The following NIPBL variants were observed in gnomAD, a reference collection of about 807,000 sequenced individuals.
NIPBL encodes nipped-B-like protein.
A neutral mutation model predicts 321.8 loss-of-function variants in NIPBL; 19 were observed. The observed-to-expected ratio is 0.06, with a 90% CI of 0.04 to 0.09. The LOEUF (loss-of-function observed/expected upper bound fraction) is 0.09, where lower values mean the gene tolerates loss of function less well. NIPBL is among the 10% of genes least tolerant of loss of function. NIPBL has a pLI of 1.00. For synonymous variants in NIPBL, 1,106 were observed against 1,114.1 expected, an observed-to-expected ratio of 0.99 and a Z score of 0.14; for missense variants, 2,210 against 3,327.0, an observed-to-expected ratio of 0.66 and a Z score of 8.26.
chr5:37,007,350 G>A lies in NIPBL; in HGVS notation c.4115G>A (p.Arg1372Gln). The A allele has an allele frequency of 1.2e-6, 2 of 1,611,982 alleles. No individual in the cohort carries two copies. Among genetic ancestry groups the A allele is most frequent in the Non-Finnish European group, 8.5e-7 (1 of 1,178,648 alleles). ...GGGLLSSKAK[R>Q]AKCSTHKQRV... ...GGCTTATTAAGTTCAAAAGCAAAACGGGCTAAATGTTCTACCCATAAGCAG... is the reference window on the plus strand; with the variant it reads ...GGCTTATTAAGTTCAAAAGCAAAACAGGCTAAATGTTCTACCCATAAGCAG... Residue 1372 changes from arginine to glutamine, a missense_variant, in exon 18 of 47, where the codon CGG (arginine) becomes CAG (glutamine). By Grantham distance (43) the Arg-to-Gln change is conservative. This residue lies in a region of NIPBL where 381 missense variants were observed against 642.3 expected (regional missense o/e 0.59). Transcript: ENST00000282516.
At chr5:36,950,912 C>T (rs966740651) in intron 1 of NIPBL, among the ~76,000 whole-genome samples, 1 of 151,820 alleles carries the variant, frequency 6.6e-6, no homozygotes, top group Non-Finnish European at 1.5e-5. Flanking sequence ...AGATTACTTA[C>T]ATTTATTAAA....
intron 9 of NIPBL, among the ~76,000 whole-genome samples, chr5:36,979,540 A>G (rs926471880): frequency 2.0e-5 from 3 of 151,738 alleles, no homozygotes; most frequent in Non-Finnish European, 3.0e-5. Flanking sequence ...AACAGAGATA[A>G]TTTGACTTCC....
chr5:36,880,157 A>G (rs945682206), intron 1 of NIPBL, among the ~76,000 whole-genome samples: 1 of 151,950 alleles, frequency 6.6e-6, no homozygotes. Context: ...CCAATACAAA[A>G]TTTTCTTTAC....
intron 1 of NIPBL, among the ~76,000 whole-genome samples, chr5:36,939,968 C>T (rs1439901976): frequency 3.3e-5 from 5 of 152,204 alleles, no homozygotes; most frequent in East Asian, 1.9e-4. Context: ...AACCATAGCA[C>T]GAATAAAGCA....
chr5:36,881,313 T>G (rs895787635), intron 1 of NIPBL, among the ~76,000 whole-genome samples: 1 of 151,868 alleles, frequency 6.6e-6, no homozygotes, highest in African/African-American at 2.4e-5. Context: ...TTTTTTGGTG[T>G]AAATCTGGAG....
intron 34 of NIPBL, among the ~76,000 whole-genome samples, chr5:37,042,807 C>T (rs965115359): frequency 2.8e-5 from 4 of 143,750 alleles, no homozygotes; most frequent in African/African-American, 1.0e-4. Flanking sequence ...GCCTGGATGA[C>T]AGAGCGAGAC....
In NIPBL at chr5:36,955,610, G is replaced by A. The variant is rs1386162274; in HGVS notation, c.203G>A (p.Ser68Asn). ...DDNLVSQLVH[S>N]LNQVSTDHIE... ...AATTTGGTTTCACAGCTTGTCCATA[G>A]CCTCAACCAGGTATCAACAGATCAC... The change falls in exon 3 of 47, where the codon AGC becomes AAC. Residue 68 changes from serine (S) to asparagine (N), a missense_variant. Physicochemically the swap from Ser to Asn is conservative, Grantham distance 46. Around this residue, in one of 14 missense-constraint regions of NIPBL, gnomAD observed 464 missense variants for 529.5 expected, o/e 0.88. Coordinates refer to ENST00000282516, the MANE Select transcript of NIPBL (RefSeq NM_133433.4). 1.2e-6 allele frequency: 2 copies of A among 1,613,926 alleles called. No homozygotes were observed. Among genetic ancestry groups the A allele is most frequent in the African/African-American group, 2.7e-5 (2 of 75,006 alleles).
At chr5:37,050,063 C>A (rs2149739004) in intron 40 of NIPBL, among the ~76,000 whole-genome samples, 1 of 152,286 alleles carries the variant, frequency 6.6e-6, no homozygotes, top group Non-Finnish European at 1.5e-5. Context: ...AAGAATCATA[C>A]ATTATAATGA....
Position 36,984,882 on chromosome 5 carries a change from G to A in NIPBL, c.1702G>A (p.Glu568Lys), listed in dbSNP as rs540432059. ...GGATTCAGACTCCATAAAAAAGCCT[G>A]AAGAAATCAAACAATGTAATGATGC... ...TQDSDSIKKP[E>K]EIKQCNDAPV... The change falls in exon 10 of 47, where the codon GAA becomes AAA. Residue 568 changes from glutamate (E) to lysine (K), a missense_variant. Glu to Lys is a moderately conservative substitution (Grantham distance 56). This residue lies in a region of NIPBL where 588 missense variants were observed against 564.1 expected (regional missense o/e 1.04). Coordinates refer to ENST00000282516, the MANE Select transcript of NIPBL (RefSeq NM_133433.4). 2 of 1,613,816 alleles carry A rather than the reference G, an allele frequency of 1.2e-6. No individual in the cohort carries two copies. The highest frequency in any genetic ancestry group is 2.2e-5 in the East Asian group (1 of 44,854).
At chr5:36,972,106 C>A in intron 8 of NIPBL, 65 bp downstream of exon 8, 1 of 1,030,368 alleles carries the variant, frequency 9.7e-7, no homozygotes, top group Non-Finnish European at 1.5e-6. Flanking sequence ...AGAACTCAGA[C>A]TTCCTAAAGC....
chr5:36,952,053 T>TGTGTGTGTGTGTGTGTGCGCGC (rs778597604), intron 1 of NIPBL, among the ~76,000 whole-genome samples: 54 of 112,202 alleles, frequency 4.8e-4, no homozygotes, highest in Admixed American at 6.2e-4. Flanking sequence ...TGTGTGTGTG[T>TGTGTGTGTGTGTGTGTGCGCGC]GCGCGCGCGC....
chr5:36,973,634 AT>A (rs950653809), intron 8 of NIPBL, among the ~76,000 whole-genome samples: 2 of 151,462 alleles, frequency 1.3e-5, no homozygotes, highest in Non-Finnish European at 1.5e-5. Flanking sequence ...CGCCCGGGTG[AT>A]TTTTTTTGTA....
chr5:36,978,002 A>C (rs1743693233), intron 9 of NIPBL, among the ~76,000 whole-genome samples: 1 of 151,406 alleles, frequency 6.6e-6, no homozygotes, highest in Non-Finnish European at 1.5e-5. Flanking sequence ...TATCCAGTCC[A>C]CTCCTGATGG....
chr5:37,052,665 A>T (rs1753691282), intron 42 of NIPBL, 99 bp downstream of exon 42: 1 of 870,888 alleles, frequency 1.1e-6, no homozygotes, highest in Non-Finnish European at 1.8e-6. Context: ...TTAGTATATG[A>T]TAGTAACTTC....
chr5:36,966,424 A>G (rs1742210121), intron 6 of NIPBL, among the ~76,000 whole-genome samples: 1 of 152,120 alleles, frequency 6.6e-6, no homozygotes, highest in African/African-American at 2.4e-5. Context: ...TTTTGGCAAG[A>G]GTACTTGGTA....
intron 18 of NIPBL, 110 bp downstream of exon 18, chr5:37,007,584 C>T: frequency 2.7e-6 from 2 of 749,328 alleles, no homozygotes; most frequent in Non-Finnish European, 4.4e-6. Flanking sequence ...AGAATTTTTC[C>T]TGTTAAGAGT....
intron 1 of NIPBL, 32 bp from the exon 2 acceptor site, chr5:36,953,586 C>G: frequency 2.3e-6 from 2 of 886,534 alleles, no homozygotes; most frequent in Non-Finnish European, 3.8e-6. Flanking sequence ...TGACATATCT[C>G]TACAAATAAT....
Position 37,000,429 on chromosome 5 carries a change from G to T in NIPBL, c.3361G>T (p.Asp1121Tyr). The T allele has an allele frequency of 1.2e-6, 2 of 1,613,356 alleles. No individual in the cohort carries two copies. The highest frequency in any genetic ancestry group is 2.2e-5 in the South Asian group (2 of 91,044). ...DDKAWEYEER[D>Y]RRSSGDHRRS... The stretch of plus-strand genomic sequence containing the variant: ...TAAAGCTTGGGAATATGAAGAGCGT[G>T]ACAGAAGAAGCTCTGGGGATCATAG... The change falls in exon 12 of 47, where the codon GAC (aspartate) becomes TAC (tyrosine). Residue 1121 changes from aspartate to tyrosine, a missense_variant. Physicochemically the swap from Asp to Tyr is radical, Grantham distance 160 (BLOSUM62 -3). This residue lies in a region of NIPBL where 381 missense variants were observed against 642.3 expected (regional missense o/e 0.59). Transcript: ENST00000282516.
chr5:36,986,913 T>C (rs1436651284), intron 10 of NIPBL, among the ~76,000 whole-genome samples: 2 of 152,186 alleles, frequency 1.3e-5, no homozygotes, highest in Non-Finnish European at 2.9e-5. Context: ...TTTTGCATGG[T>C]TTCTGAATTC....
Sources: gnomAD v4.1 joint callset for allele counts (sites outside exome capture counted in the v4.1 genomes callset) on GRCh38, gnomAD v4.1.1 for gene constraint, gnomAD v4.1.1 regional missense constraint, MANE v1.5 for transcripts, NCBI Gene and HGNC (gene_info 2026-07-23, HGNC 2026-07-21) for gene names.